The following HTR4 variants were observed in gnomAD, a reference collection of about 807,000 sequenced individuals.
The protein encoded by HTR4 is 5-hydroxytryptamine (serotonin) receptor 4, G protein-coupled.
In HTR4, 16 loss-of-function variants were observed where a neutral mutation model predicts 36.8. That is an observed-to-expected ratio of 0.43 (90% confidence interval 0.29 to 0.66). The LOEUF (loss-of-function observed/expected upper bound fraction) is 0.66. HTR4 is among the 30% of genes least tolerant of loss of function. The probability of loss-of-function intolerance (pLI) is 0.13; values close to 1 mark genes in which losing one functional copy is unlikely to be tolerated. For synonymous variants in HTR4, 189 were observed against 185.1 expected, an observed-to-expected ratio of 1.02 and a Z score of -0.17; for missense variants, 438 against 490.9, an observed-to-expected ratio of 0.89 and a Z score of 1.02.
intron 2 of HTR4, among the ~76,000 whole-genome samples, chr5:148,617,989 C>G (rs894416584): frequency 7.9e-5 from 12 of 152,182 alleles, no homozygotes; most frequent in Admixed American, 5.9e-4. Flanking sequence ...CTCAGCAATT[C>G]CCTCTTCGGC....
intron 2 of HTR4, among the ~76,000 whole-genome samples, chr5:148,628,222 G>A (rs1753192702): frequency 6.6e-6 from 1 of 152,192 alleles, no homozygotes; most frequent in Admixed American, 6.5e-5. Flanking sequence ...GCAAACCATT[G>A]AAGTTCAAAG....
At chr5:148,638,949 A>T (rs1051001982) in intron 1 of HTR4, among the ~76,000 whole-genome samples, 1 of 152,098 alleles carries the variant, frequency 6.6e-6, no homozygotes, top group Non-Finnish European at 1.5e-5. Flanking sequence ...TGGGGGGCTG[A>T]GGTGGGAGGA....
At chr5:148,584,238 A>T (rs955939801) in intron 2 of HTR4, among the ~76,000 whole-genome samples, 45 of 152,256 alleles carry the variant, frequency 3.0e-4, no homozygotes, top group Non-Finnish European at 1.0e-4. Context: ...TATCTAGTAC[A>T]AACACCTTAT....
intron 5 of HTR4, among the ~76,000 whole-genome samples, chr5:148,467,147 G>A (rs929878173): frequency 1.3e-5 from 2 of 152,154 alleles, no homozygotes; most frequent in Non-Finnish European, 2.9e-5. Flanking sequence ...TGCACAAAGG[G>A]TAGCCAAAAC....
At chr5:148,463,561 T>A (rs183402596) in intron 5 of HTR4, among the ~76,000 whole-genome samples, 1 of 152,132 alleles carries the variant, frequency 6.6e-6, no homozygotes, top group East Asian at 1.9e-4. Context: ...AAAACTCTGA[T>A]GAAAAATATC....
chr5:148,547,651 G>A (rs1186255467), intron 4 of HTR4, among the ~76,000 whole-genome samples: 2 of 151,996 alleles, frequency 1.3e-5, no homozygotes, highest in Non-Finnish European at 2.9e-5. Context: ...CCAGCACTCT[G>A]GGAGGCTGAA....
chr5:148,473,933 C>T (rs1755633457), downstream of HTR4, among the ~76,000 whole-genome samples: 1 of 150,010 alleles, frequency 6.7e-6, no homozygotes, highest in African/African-American at 2.5e-5. Flanking sequence ...ATAGAGAATG[C>T]TCTCCACCGA....
At chr5:148,627,528 C>T (rs1423110854) in intron 2 of HTR4, among the ~76,000 whole-genome samples, 3 of 152,244 alleles carry the variant, frequency 2.0e-5, no homozygotes, top group African/African-American at 7.2e-5. Context: ...AAATACGCAT[C>T]TATATTTGAT....
intron 2 of HTR4, among the ~76,000 whole-genome samples, chr5:148,631,035 C>T (rs140199690): frequency 1.5e-3 from 221 of 152,208 alleles, no homozygotes; most frequent in African/African-American, 5.1e-3. Context: ...TAGCTTAATT[C>T]CATAACCAGA....
intron 5 of HTR4, among the ~76,000 whole-genome samples, chr5:148,519,707 G>A (rs1236271290): frequency 6.6e-6 from 1 of 152,174 alleles, no homozygotes; most frequent in African/African-American, 2.4e-5. Context: ...CCTGATAGGT[G>A]TGTTTCCAGC....
Position 148,523,184 on chromosome 5 carries a change from G to A in HTR4, c.507+9C>T, listed in dbSNP as rs760871391. On this transcript the variant is annotated intron_variant, in intron 5 of 6. Transcript: ENST00000377888. ...ACAGTAAACCAGTGAGGTCTGTGTGGATACTCACCAAATCAATTATGCCAA... is the reference window on the plus strand; with the variant it reads ...ACAGTAAACCAGTGAGGTCTGTGTGAATACTCACCAAATCAATTATGCCAA... 6.8e-6 allele frequency: 11 copies of A among 1,611,808 alleles called. No individual in the cohort carries two copies. The highest frequency in any genetic ancestry group is 7.6e-6 in the Non-Finnish European group (9 of 1,178,358).
At chr5:148,576,419 T>C (rs1760922559) in intron 2 of HTR4, among the ~76,000 whole-genome samples, 1 of 152,060 alleles carries the variant, frequency 6.6e-6, no homozygotes, top group Admixed American at 6.6e-5. Flanking sequence ...TTCAATGCTC[T>C]TTCTATCAAA....
Position 148,518,897 on chromosome 5 carries a change from G to C in HTR4, c.507+4296C>G, listed in dbSNP as rs529011124. Among the ~76,000 whole-genome samples, 4 of 152,258 alleles carry C rather than the reference G, an allele frequency of 2.6e-5. No individual in the cohort carries two copies. The East Asian group carries it at 7.7e-4, about 29-fold the overall frequency. On this transcript the variant is annotated intron_variant, in intron 5 of 6. Transcript: ENST00000377888. ...TTTTATTAAGGAAGGTGAATGTCATGTGTAAATCACTCACTTTTTACTTGT... is the reference window on the plus strand; with the variant it reads ...TTTTATTAAGGAAGGTGAATGTCATCTGTAAATCACTCACTTTTTACTTGT...
At chr5:148,611,382 TAAAG>T (rs1179479360) in intron 2 of HTR4, among the ~76,000 whole-genome samples, 1 of 150,170 alleles carries the variant, frequency 6.7e-6, no homozygotes, top group Non-Finnish European at 1.5e-5. Flanking sequence ...TCAACATTCT[TAAAG>T]AAAAGAATTT....
At chr5:148,576,451 GAAC>G (rs1168635186) in intron 2 of HTR4, among the ~76,000 whole-genome samples, 2 of 151,778 alleles carry the variant, frequency 1.3e-5, no homozygotes, top group African/African-American at 4.8e-5. Context: ...ATTCTTCACA[GAAC>G]TAGAAAAAAA....
chr5:148,591,184 C>G (rs948572409), intron 2 of HTR4, among the ~76,000 whole-genome samples: 2 of 152,092 alleles, frequency 1.3e-5, no homozygotes, highest in African/African-American at 4.8e-5. Flanking sequence ...TTCCATTGGT[C>G]CATGTGCATG....
intron 1 of HTR4, among the ~76,000 whole-genome samples, chr5:148,647,632 T>G (rs936744409): frequency 2.0e-5 from 3 of 152,192 alleles, no homozygotes; most frequent in Non-Finnish European, 4.4e-5. Context: ...GCAGATCACC[T>G]GAGCTCGGGA....
chr5:148,638,398 G>A (rs914534056), intron 1 of HTR4, among the ~76,000 whole-genome samples: 3 of 152,148 alleles, frequency 2.0e-5, no homozygotes, highest in Non-Finnish European at 2.9e-5. Context: ...CCTAACTATC[G>A]AAGTGACAGG....
chr5:148,651,398 C>A (rs35603339), intron 1 of HTR4, among the ~76,000 whole-genome samples: 29,522 of 152,098 alleles, frequency 0.19, 3,446 homozygotes, highest in East Asian at 0.4. Flanking sequence ...ACTTTGTTGT[C>A]AGATGTTGCT....
Sources: allele counts gnomAD v4.1 joint callset (sites outside exome capture counted in the v4.1 genomes callset), GRCh38; gene constraint gnomAD v4.1.1; transcripts MANE v1.5; gene names NCBI Gene and HGNC (gene_info 2026-07-23, HGNC 2026-07-21).